Variants in LOC128092252 observed in about 807,000 individuals in gnomAD.
At chr15:50,651,400 C>G in the LOC128092252 span, among the ~76,000 whole-genome samples, 1 of 151,986 alleles carries the variant, frequency 6.6e-6, no homozygotes, top group Non-Finnish European at 1.5e-5. Context: ...AATCCCAGCA[C>G]TTTGGGAAGC....
At chr15:50,680,704 T>G in the LOC128092252 span, among the ~76,000 whole-genome samples, 2 of 152,198 alleles carry the variant, frequency 1.3e-5, no homozygotes, top group Middle Eastern at 3.2e-3. Flanking sequence ...CAGCAAACTT[T>G]TTAAGTTATA....
chr15:50,676,716 A>ATCCTAT, the LOC128092252 span, among the ~76,000 whole-genome samples: 1 of 152,122 alleles, frequency 6.6e-6, no homozygotes, highest in South Asian at 2.1e-4. Context: ...AACAGTCCCC[A>ATCCTAT]TCCTATGCCT....
At chr15:50,684,826 A>T in the LOC128092252 span, among the ~76,000 whole-genome samples, 3 of 152,204 alleles carry the variant, frequency 2.0e-5, no homozygotes, top group Non-Finnish European at 4.4e-5. Flanking sequence ...AGACTGAAAG[A>T]GTTACCGACC....
At chr15:50,685,881 G>T in the LOC128092252 span, among the ~76,000 whole-genome samples, 1 of 152,130 alleles carries the variant, frequency 6.6e-6, no homozygotes, top group Non-Finnish European at 1.5e-5. Flanking sequence ...ACAGTACATT[G>T]TCTTGGTCCC....
the LOC128092252 span, among the ~76,000 whole-genome samples, chr15:50,668,335 C>T: frequency 2.0e-5 from 3 of 152,128 alleles, no homozygotes; most frequent in Non-Finnish European, 4.4e-5. Context: ...TAAAACGTCG[C>T]TGATCCTTTA....
the LOC128092252 span, among the ~76,000 whole-genome samples, chr15:50,670,230 TATA>T: frequency 6.6e-6 from 1 of 152,048 alleles, no homozygotes; most frequent in African/African-American, 2.4e-5. Flanking sequence ...AGGATTCTCT[TATA>T]AAAGAAGGGG....
chr15:50,655,557 T>C, the LOC128092252 span, among the ~76,000 whole-genome samples: 1 of 151,720 alleles, frequency 6.6e-6, no homozygotes, highest in Non-Finnish European at 1.5e-5. Flanking sequence ...ATAGACATGC[T>C]GCTGAAAACC....
At chr15:50,675,856 A>C in the LOC128092252 span, among the ~76,000 whole-genome samples, 1 of 152,206 alleles carries the variant, frequency 6.6e-6, no homozygotes, top group Non-Finnish European at 1.5e-5. Context: ...GGTGATCTTC[A>C]GTGGTTAAAT....
the LOC128092252 span, among the ~76,000 whole-genome samples, chr15:50,653,098 T>C: frequency 6.6e-6 from 1 of 152,106 alleles, no homozygotes; most frequent in Non-Finnish European, 1.5e-5. Flanking sequence ...CTGCAGTGAC[T>C]GTGACACTGC....
the LOC128092252 span, among the ~76,000 whole-genome samples, chr15:50,660,174 G>T: frequency 2.0e-4 from 31 of 152,064 alleles, no homozygotes; most frequent in African/African-American, 7.5e-4. Context: ...CAAGTAGTAA[G>T]AAATCAGAAT....
the LOC128092252 span, among the ~76,000 whole-genome samples, chr15:50,679,511 A>AATAT: frequency 9.7e-4 from 73 of 75,384 alleles, no homozygotes; most frequent in African/African-American, 4.3e-3. Flanking sequence ...GTATATATAT[A>AATAT]ATATATATAT....
the LOC128092252 span, among the ~76,000 whole-genome samples, chr15:50,679,538 A>ATATATTTTTTTTTTT: frequency 2.3e-5 from 1 of 43,902 alleles, no homozygotes; most frequent in African/African-American, 1.1e-4. Flanking sequence ...ATATATATAT[A>ATATATTTTTTTTTTT]TTTTTTTTTT....
chr15:50,655,504 C>T, the LOC128092252 span, among the ~76,000 whole-genome samples: 267 of 148,054 alleles, frequency 1.8e-3, 1 homozygote, highest in Admixed American at 0.017. Context: ...CAAATATTTA[C>T]GCAAGCAGAA....
At chr15:50,674,025 G>A in the LOC128092252 span, among the ~76,000 whole-genome samples, 1 of 152,136 alleles carries the variant, frequency 6.6e-6, no homozygotes, top group African/African-American at 2.4e-5. Context: ...GTTTTACTCT[G>A]TCGCCCAGGC....
the LOC128092252 span, among the ~76,000 whole-genome samples, chr15:50,672,148 G>T: frequency 1.3e-5 from 2 of 152,048 alleles, no homozygotes; most frequent in African/African-American, 4.8e-5. Context: ...TCATCTCCCG[G>T]GTTCACGCCA....
the LOC128092252 span, among the ~76,000 whole-genome samples, chr15:50,682,898 ACT>A: frequency 6.9e-6 from 1 of 144,596 alleles, no homozygotes. Flanking sequence ...CCGGTACCAA[ACT>A]TTTTTTTTTT....
chr15:50,686,537 C>T, the LOC128092252 span: 1 of 1,611,306 alleles, frequency 6.2e-7, no homozygotes, highest in Non-Finnish European at 8.5e-7. Flanking sequence ...GTACCATTCT[C>T]CTCACGGGGC....
At chr15:50,679,538 A>ATATATATTTTTTTTTT in the LOC128092252 span, among the ~76,000 whole-genome samples, 3 of 43,904 alleles carry the variant, frequency 6.8e-5, no homozygotes, top group African/African-American at 3.2e-4. Context: ...ATATATATAT[A>ATATATATTTTTTTTTT]TTTTTTTTTT....
the LOC128092252 span, among the ~76,000 whole-genome samples, chr15:50,684,145 CTGAT>C: frequency 4.0e-5 from 6 of 151,310 alleles, no homozygotes; most frequent in Non-Finnish European, 8.8e-5. Flanking sequence ...TGCGCCCCAC[CTGAT>C]TAAGTCGTTT....
Sources: gnomAD v4.1 joint callset for allele counts (sites outside exome capture counted in the v4.1 genomes callset) on GRCh38, gnomAD v4.1.1 for gene constraint, MANE v1.5 for transcripts.